ZNF362: variants seen among roughly 807,000 people sequenced by gnomAD.
ZNF362 encodes zinc finger protein 362, also known as rotund homolog.
ZNF362 carries 11 observed loss-of-function variants against 42.9 expected under a neutral mutation model. That is an observed-to-expected ratio of 0.26 (90% CI 0.16 to 0.42). The LOEUF is 0.42. Among genes scored for constraint, ZNF362 ranks in the 20% least tolerant of loss-of-function variants. The pLI is 1.00. For missense variants in ZNF362, 362 were observed against 576.2 expected (o/e 0.63, Z 3.81); for synonymous variants, 255 against 257.3 (o/e 0.99, Z 0.09).
At chr1:33,296,611 C>A (rs1461178927) in intron 8 of ZNF362, among the ~76,000 whole-genome samples, 1 of 150,874 alleles carries the variant, frequency 6.6e-6, no homozygotes, top group Non-Finnish European at 1.5e-5. Context: ...TAGGTGAAGC[C>A]TTGAAGGATA....
rs1645833196 is a variant in ZNF362 at position 33,262,294 on chromosome 1, A to ATTT, written c.-89+5642_-89+5643insTTT. On this transcript the variant is annotated intron_variant, in intron 1 of 8. Transcript: ENST00000539719. ...CTGAACTTTGGGCAAAGGCTTTAGG[A>ATTT]TTCTTTTTTTTTTTTTTTTTTTTTT... 7.5e-5 allele frequency among the ~76,000 whole-genome samples: 7 copies of ATTT among 93,020 alleles called. No individual in the cohort carries two copies. In the South Asian group the frequency reaches 1.1e-3, roughly 14 times the overall value. The allele number at this position is 93,020 out of a possible 152,430, so 61.0% of individuals were successfully genotyped here.
chr1:33,184,628 T>C, the ZNF362 span, among the ~76,000 whole-genome samples: 117 of 152,326 alleles, frequency 7.7e-4, no homozygotes, highest in South Asian at 8.1e-3. Flanking sequence ...AGCAAAGATA[T>C]GGGAGGATCC....
chr1:33,135,579 AC>A, the ZNF362 span, among the ~76,000 whole-genome samples: 1 of 152,204 alleles, frequency 6.6e-6, no homozygotes, highest in East Asian at 1.9e-4. Context: ...CCTTGGTCTC[AC>A]ATTGGATCCT....
the ZNF362 span, among the ~76,000 whole-genome samples, chr1:33,229,129 C>T: frequency 6.6e-6 from 1 of 152,090 alleles, no homozygotes. Flanking sequence ...GTGGGGTTCC[C>T]TGACTACTCT....
chr1:33,254,661 T>A (rs1427367607), upstream of ZNF362, among the ~76,000 whole-genome samples: 1 of 152,182 alleles, frequency 6.6e-6, no homozygotes, highest in Non-Finnish European at 1.5e-5. Flanking sequence ...TGGCTGTTGA[T>A]CTTGGCCTTG....
chr1:33,207,773 C>A, the ZNF362 span, among the ~76,000 whole-genome samples: 1 of 152,082 alleles, frequency 6.6e-6, no homozygotes, highest in East Asian at 1.9e-4. Context: ...CTGTTCATAT[C>A]CTTTGCACTT....
At chr1:33,206,634 T>C in the ZNF362 span, among the ~76,000 whole-genome samples, 2 of 151,798 alleles carry the variant, frequency 1.3e-5, no homozygotes, top group Non-Finnish European at 2.9e-5. Context: ...AATACTATTA[T>C]AAAAACGAAA....
the ZNF362 span, among the ~76,000 whole-genome samples, chr1:33,223,420 C>T: frequency 0.17 from 26,415 of 152,242 alleles, 2,554 homozygotes; most frequent in South Asian, 0.27. Context: ...GTAGATTGCC[C>T]AGTCTCAGGT....
chr1:33,136,322 C>A, the ZNF362 span, among the ~76,000 whole-genome samples: 4 of 131,330 alleles, frequency 3.0e-5, no homozygotes, highest in African/African-American at 1.1e-4. Context: ...CTTTCTTTTT[C>A]TTTCTTTCCT....
the ZNF362 span, chr1:33,182,071 G>A: frequency 2.6e-5 from 4 of 152,204 alleles, no homozygotes; most frequent in Non-Finnish European, 5.9e-5. Flanking sequence ...AGCTGCCGGT[G>A]GCCGCGGCTG....
chr1:33,265,114 C>T (rs1386443327), intron 1 of ZNF362, among the ~76,000 whole-genome samples: 2 of 151,438 alleles, frequency 1.3e-5, no homozygotes, highest in African/African-American at 4.9e-5. Context: ...AAGGAGTTCC[C>T]TGTGGGGATA....
the ZNF362 span, chr1:33,147,635 G>T: frequency 3.7e-6 from 6 of 1,614,008 alleles, no homozygotes; most frequent in Non-Finnish European, 5.1e-6. The surrounding 1 kb of genome is among the most constrained non-coding windows in gnomAD (Gnocchi z 8.1). Context: ...AGTGGCTGTG[G>T]GTGCAAGTTG....
rs1177086591 is a variant in ZNF362, at chr1:33,282,264, C to G, written c.908+453C>G. Among the ~76,000 whole-genome samples the G allele has an allele frequency of 3.9e-5, 6 of 152,224 alleles. No individual in the cohort carries two copies. In the East Asian group the frequency reaches 9.6e-4, roughly 24 times the overall value. ...TACTGGGAGTTCTTGAAGGCAAGAGCTCAGTCTCCTCCATTTCCATATCCC... is the reference window on the plus strand; with the variant it reads ...TACTGGGAGTTCTTGAAGGCAAGAGGTCAGTCTCCTCCATTTCCATATCCC... On this transcript the variant is annotated intron_variant, in intron 6 of 8. Transcript: ENST00000539719.
chr1:33,290,384 G>A (rs2148129981), intron 6 of ZNF362, among the ~76,000 whole-genome samples: 1 of 151,834 alleles, frequency 6.6e-6, no homozygotes, highest in East Asian at 1.9e-4. Flanking sequence ...CCCTACAAAG[G>A]ACATGAACTC....
the ZNF362 span, among the ~76,000 whole-genome samples, chr1:33,187,770 T>A: frequency 6.6e-6 from 1 of 152,170 alleles, no homozygotes; most frequent in African/African-American, 2.4e-5. Flanking sequence ...AGAACTAGGA[T>A]CTCTGGTTCA....
At chr1:33,153,297 C>T in the ZNF362 span, among the ~76,000 whole-genome samples, 2,410 of 152,304 alleles carry the variant, frequency 0.016, 65 homozygotes, top group African/African-American at 0.05. Flanking sequence ...CTGCTGCTCT[C>T]TGAACTCCCC....
At chr1:33,275,726 T>TG (rs1328904376) in intron 2 of ZNF362, among the ~76,000 whole-genome samples, 2 of 152,152 alleles carry the variant, frequency 1.3e-5, no homozygotes, top group East Asian at 3.9e-4. Flanking sequence ...TCTCTGGACT[T>TG]GGGGGGCCTT....
chr1:33,240,276 G>A, the ZNF362 span, among the ~76,000 whole-genome samples: 1 of 152,128 alleles, frequency 6.6e-6, no homozygotes, highest in South Asian at 2.1e-4. Context: ...CCAAGGGCGG[G>A]AATCATCTGG....
the ZNF362 span, chr1:33,145,833 C>T: frequency 2.1e-6 from 1 of 470,638 alleles, no homozygotes; most frequent in Non-Finnish European, 4.4e-6. Flanking sequence ...GCAGGTGGGG[C>T]TTGCTCCACC....
Sources: gnomAD v4.1 joint callset for allele counts (sites outside exome capture counted in the v4.1 genomes callset) on GRCh38, gnomAD v4.1.1 for gene constraint, Gnocchi (gnomAD v3.1) non-coding constraint, MANE v1.5 for transcripts, NCBI Gene and HGNC (gene_info 2026-07-23, HGNC 2026-07-21) for gene names.